Variants in CARS1 observed in about 807,000 individuals in gnomAD.
CARS1 encodes the protein cysteine--tRNA ligase, cytoplasmic.
Under a neutral mutation model 106.2 loss-of-function variants are expected in CARS1, and 48 were observed. The observed-to-expected ratio is 0.45, with a 90% CI of 0.36 to 0.57. The LOEUF (loss-of-function observed/expected upper bound fraction) is 0.57, where lower values mean the gene tolerates loss of function less well. Among genes scored for constraint, CARS1 ranks in the 20% least tolerant of loss-of-function variants. CARS1 has a pLI of 0.00. For missense variants in CARS1, 968 were observed against 1,057.2 expected (o/e 0.92, Z 1.17); for synonymous variants, 409 against 403.4 (o/e 1.01, Z -0.17).
intron 7 of CARS1, among the ~76,000 whole-genome samples, chr11:3,033,643 A>G (rs4758510): frequency 0.82 from 124,177 of 152,146 alleles, 50,775 homozygotes; most frequent in Admixed American, 0.86. Flanking sequence ...AAACTGCTAA[A>G]TGAGACAAAG....
Position 3,017,258 on chromosome 11 carries a change from A to G in CARS1, c.1765T>C (p.Cys589Arg), listed in dbSNP as rs1851116626. ...ACGGTGCGGGTGTCAACATTGTCAC[A>G]GAGGGCTTTGTGAATTGCTGTCTTC... is the stretch of plus-strand genomic sequence containing the variant. Reference protein sequence around the residue: ...DKKTAIHKALCDNVDTRTVME... With the variant: ...DKKTAIHKALRDNVDTRTVME... The change falls in exon 16 of 23, where the codon TGT (cysteine) becomes CGT (arginine). Residue 589 changes from cysteine (C) to arginine (R), a missense_variant. Physicochemically the swap from Cys to Arg is radical, Grantham distance 180. Coordinates refer to ENST00000380525, the MANE Select transcript of CARS1 (RefSeq NM_001014437.3). The surrounding 1 kb of genome is among the most constrained non-coding windows in gnomAD (Gnocchi z 4.9). The G allele has an allele frequency of 6.2e-7, 1 of 1,614,142 alleles. No homozygotes were observed. The highest frequency in any genetic ancestry group is 1.1e-5 in the South Asian group (1 of 91,084).
chr11:3,057,292 G>C (rs1304954837), intron 1 of CARS1, 51 bp downstream of exon 1: 13 of 1,543,496 alleles, frequency 8.4e-6, no homozygotes, highest in Non-Finnish European at 8.9e-7. Context: ...AGCACCCAGC[G>C]CCCAGTCAGG....
At position 3,017,682 on chromosome 11, in the gene CARS1, A is replaced by C; in HGVS notation, c.1727+175T>G. 1.7e-6 allele frequency: 1 copy of C among 591,696 alleles called. No homozygotes were observed. Among genetic ancestry groups the C allele is most frequent in the Middle Eastern group, 3.1e-4 (1 of 3,224 alleles). 36.7% of individuals were successfully genotyped at this position (591,696 alleles called of 1,614,324 possible). A position where few individuals can be genotyped will look rare whatever the true frequency, so the allele number is the denominator to read the frequency against. ...AAAAAAGAAATTCTCCATGCACTTC[A>C]ACACCCAGAGCAGCTCCCATTAGCA... On this transcript the variant is annotated intron_variant, in intron 15 of 22. Transcript: ENST00000380525. The surrounding 1 kb of genome is among the most constrained non-coding windows in gnomAD (Gnocchi z 4.9).
intron 7 of CARS1, among the ~76,000 whole-genome samples, chr11:3,033,051 C>CTT (rs907703020): frequency 2.8e-5 from 4 of 145,438 alleles, no homozygotes; most frequent in Non-Finnish European, 6.1e-5. Context: ...TAAAAAAAAA[C>CTT]TTTTTTTTTT....
chr11:3,040,362 C>T lies in CARS1; in HGVS notation c.456-431G>A, dbSNP rs1590502078. On this transcript the variant is annotated intron_variant, in intron 4 of 22. Transcript: ENST00000380525. This position sits in a 1 kb window ranked among gnomAD's most constrained non-coding sequence, Gnocchi z 5.8. The stretch of plus-strand genomic sequence containing the variant: ...CTGTGCAGAGGGTCACACCCTCTAC[C>T]CTCCAGGTTGTTCAAGGGTTGACTA... The T allele has an allele frequency of 8.4e-6, 3 of 358,728 alleles. No homozygotes were observed. Among genetic ancestry groups the T allele is most frequent in the East Asian group, 1.5e-4 (2 of 13,274 alleles). 22.2% of individuals were successfully genotyped at this position (358,728 alleles called of 1,614,324 possible).
intron 17 of CARS1, among the ~76,000 whole-genome samples, chr11:3,012,908 T>A (rs1473663856): frequency 6.8e-6 from 1 of 146,336 alleles, no homozygotes; most frequent in Non-Finnish European, 1.5e-5. Context: ...TTTTTTTTTT[T>A]AAGACGGAAT....
In CARS1 at chr11:3,053,146, C is replaced by T. The variant is rs1234505858; in HGVS notation, c.25+4197G>A. Among the ~76,000 whole-genome samples the T allele has an allele frequency of 1.3e-5, 2 of 152,268 alleles. No individual in the cohort carries two copies. Among genetic ancestry groups the T allele is most frequent in the African/African-American group, 2.4e-5 (1 of 41,472 alleles). ...CACCAAATGAACAACAACCCTGACA[C>T]GTCAAACAACTGTGGCAGTGCGACC... On this transcript the variant is annotated intron_variant, in intron 1 of 22. Transcript: ENST00000380525. This position sits in a 1 kb window ranked among gnomAD's most constrained non-coding sequence, Gnocchi z 6.6.
At chr11:3,024,794 C>T (rs1851894641) in intron 10 of CARS1, among the ~76,000 whole-genome samples, 1 of 152,126 alleles carries the variant, frequency 6.6e-6, no homozygotes. Flanking sequence ...AGAATGAGGG[C>T]TCCTTGACAG....
At chr11:3,012,684 G>A (rs1344630543) in intron 17 of CARS1, among the ~76,000 whole-genome samples, 1 of 152,190 alleles carries the variant, frequency 6.6e-6, no homozygotes, top group Non-Finnish European at 1.5e-5. Flanking sequence ...CCAGGCTGGG[G>A]CCTTACCTAT....
At chr11:3,010,026 G>A (rs1477717641) in intron 18 of CARS1, among the ~76,000 whole-genome samples, 1 of 152,202 alleles carries the variant, frequency 6.6e-6, no homozygotes, top group Non-Finnish European at 1.5e-5. Flanking sequence ...GATGTACAGG[G>A]TAGGGATCAC....
chr11:3,024,166 C>T (rs906828935), intron 10 of CARS1, among the ~76,000 whole-genome samples: 3 of 152,220 alleles, frequency 2.0e-5, no homozygotes, highest in African/African-American at 4.8e-5. Flanking sequence ...GCTGGGATTA[C>T]AGGCGTGAGC....
In CARS1 at chr11:3,002,449, TA is replaced by T. The variant is rs1010873439; in HGVS notation, c.2277+91del. 1.8e-5 allele frequency: 29 copies of T among 1,575,400 alleles called. No individual in the cohort carries two copies. In the African/African-American group the frequency reaches 3.9e-4, roughly 21 times the overall value. On this transcript the variant is annotated intron_variant, in intron 21 of 22. Transcript: ENST00000380525. ...CTGTGAGGGTCTGCAGGGGCCTGGC[TA>T]AGGTCCACGGAGGCACAGAGAGCCA... is the stretch of plus-strand genomic sequence containing the variant.
chr11:3,019,328 C>G lies in CARS1; in HGVS notation c.1267-61G>C. 1 of 1,346,272 alleles carries G rather than the reference C, an allele frequency of 7.4e-7. No individual in the cohort carries two copies. The highest frequency in any genetic ancestry group is 9.6e-7 in the Non-Finnish European group (1 of 1,041,606). 83.4% of individuals were successfully genotyped at this position (1,346,272 alleles called of 1,614,324 possible). On this transcript the variant is annotated intron_variant, in intron 11 of 22. Coordinates refer to ENST00000380525, the MANE Select transcript of CARS1 (RefSeq NM_001014437.3). The surrounding 1 kb of genome is among the most constrained non-coding windows in gnomAD (Gnocchi z 6.2). ...TACCCGCTTGTCCAGGCCTTTATCA[C>G]TTATCACTCCAAGTTGATGGCCCTT...
At position 3,039,348 on chromosome 11, in the gene CARS1, C is replaced by G. The variant is rs753937912; in HGVS notation, c.553-56G>C. The G allele has an allele frequency of 9.3e-7, 1 of 1,079,760 alleles. No individual in the cohort carries two copies. Among genetic ancestry groups the G allele is most frequent in the Non-Finnish European group, 1.4e-6 (1 of 696,152 alleles). The allele number at this position is 1,079,760 out of a possible 1,614,324, so 66.9% of individuals were successfully genotyped here. A position where few individuals can be genotyped will look rare whatever the true frequency, so the allele number is the denominator to read the frequency against. On this transcript the variant is annotated intron_variant, in intron 5 of 22. Coordinates refer to ENST00000380525, the MANE Select transcript of CARS1 (RefSeq NM_001014437.3). The surrounding 1 kb of genome is among the most constrained non-coding windows in gnomAD (Gnocchi z 5.6). ...ATGCTTGGATCCCACATGCATCCCT[C>G]TGCAGCAGGCCACTCTCTCCCTTGG...
In CARS1 at chr11:3,040,227, G is replaced by A. The variant is rs1854263854; in HGVS notation, c.456-296C>T. 4 of 394,138 alleles carry A rather than the reference G, an allele frequency of 1.0e-5. No individual in the cohort carries two copies. In the Admixed American group the frequency reaches 1.3e-4, roughly 13 times the overall value. 24.4% of individuals were successfully genotyped at this position (394,138 alleles called of 1,614,324 possible). On this transcript the variant is annotated intron_variant, in intron 4 of 22. Transcript: ENST00000380525. This position sits in a 1 kb window ranked among gnomAD's most constrained non-coding sequence, Gnocchi z 5.8. ...TCCTTTATCATTAGGAATACAGTAT[G>A]TAATGTATATACAAAATATGTGTTC...
Sources: gnomAD v4.1 joint callset for allele counts (sites outside exome capture counted in the v4.1 genomes callset) on GRCh38, gnomAD v4.1.1 for gene constraint, Gnocchi (gnomAD v3.1) non-coding constraint, MANE v1.5 for transcripts, NCBI Gene and HGNC (gene_info 2026-07-23, HGNC 2026-07-21) for gene names.